Variants in SLC12A7 observed in about 807,000 individuals in gnomAD.
The protein encoded by SLC12A7 is K-Cl cotransporter 4.
In SLC12A7, 100 loss-of-function variants were observed where a neutral mutation model predicts 120.6. The ratio of observed to expected loss-of-function variants is 0.83; its 90% CI spans 0.71 to 0.98. The LOEUF is 0.98. Ranked by LOEUF, SLC12A7 falls within the 50% of genes least tolerant of loss-of-function variation. SLC12A7 has a pLI of 0.00. For synonymous variants in SLC12A7, 760 were observed against 678.0 expected, an observed-to-expected ratio of 1.12 and a Z score of -1.88; for missense variants, 1,373 against 1,548.1, an observed-to-expected ratio of 0.89 and a Z score of 1.90.
At chr5:1,089,205 G>A in intron 3 of SLC12A7, 77 bp from the exon 4 acceptor site, 1 of 1,526,452 alleles carries the variant, frequency 6.6e-7, no homozygotes, top group South Asian at 1.2e-5. Context: ...CTGCACTCAG[G>A]CCCTGGGCAG....
chr5:1,064,856 C>G (rs4975697), intron 18 of SLC12A7, among the ~76,000 whole-genome samples: 1 of 75,196 alleles, frequency 1.3e-5, no homozygotes, highest in Admixed American at 1.4e-4. Context: ...GGCGAGGAGA[C>G]GGCGAGGGGA....
chr5:1,061,520 G>A (rs1248819637), intron 20 of SLC12A7, among the ~76,000 whole-genome samples: 1 of 110,500 alleles, frequency 9.0e-6, no homozygotes, highest in African/African-American at 3.9e-5. Flanking sequence ...CGCACCCGCC[G>A]CACCTGCCGC....
intron 10 of SLC12A7, among the ~76,000 whole-genome samples, chr5:1,079,069 A>G (rs1738695990): frequency 6.6e-6 from 1 of 152,084 alleles, no homozygotes; most frequent in South Asian, 2.1e-4. Flanking sequence ...GCTCGGCTGG[A>G]AAGAGGCAGC....
the SLC12A7 span, among the ~76,000 whole-genome samples, chr5:1,123,891 T>C: frequency 2.6e-5 from 4 of 152,360 alleles, no homozygotes; most frequent in Middle Eastern, 3.4e-3. Context: ...GTTTCTGAGA[T>C]AACTCTCTTG....
At chr5:1,106,186 C>T (rs1160136742) in intron 1 of SLC12A7, among the ~76,000 whole-genome samples, 1 of 152,260 alleles carries the variant, frequency 6.6e-6, no homozygotes, top group African/African-American at 2.4e-5. Context: ...GATATGGTGG[C>T]TCACTCCTGT....
intron 1 of SLC12A7, among the ~76,000 whole-genome samples, chr5:1,101,503 G>A (rs1432897697): frequency 1.3e-5 from 2 of 152,142 alleles, no homozygotes; most frequent in African/African-American, 4.8e-5. Context: ...GACAGCCGCT[G>A]GTGGAGAACC....
chr5:1,074,588 G>A lies in SLC12A7; in HGVS notation c.2051C>T (p.Pro684Leu), dbSNP rs1561057988. 6.2e-7 allele frequency: 1 copy of A among 1,612,606 alleles called. No individual in the cohort carries two copies. The highest frequency in any genetic ancestry group is 2.2e-5 in the East Asian group (1 of 44,874). The change falls in exon 16 of 24, where the codon CCC (proline) becomes CTC (leucine). Residue 684 changes from proline (P) to leucine (L), a missense_variant. By Grantham distance (98) the Pro-to-Leu change is moderately conservative (BLOSUM62 -3). Transcript: ENST00000264930. Reference protein sequence around the residue: ...RYALLRVEHGPPHTKNWRPQV... With the variant: ...RYALLRVEHGLPHTKNWRPQV... ...TCACCTCCAGTTCTTGGTGTGGGGG[G>A]GACCGTGCTCCACGCGCAGCAGGGC...
chr5:1,066,471 T>C (rs1737066545), intron 17 of SLC12A7, among the ~76,000 whole-genome samples: 2 of 152,118 alleles, frequency 1.3e-5, no homozygotes, highest in African/African-American at 4.8e-5. Flanking sequence ...ATACTGTACA[T>C]GTGTGGCAGA....
At chr5:1,118,381 A>AAGAT in the SLC12A7 span, among the ~76,000 whole-genome samples, 1 of 152,252 alleles carries the variant, frequency 6.6e-6, no homozygotes, top group Non-Finnish European at 1.5e-5. Flanking sequence ...GAGAGATAAG[A>AAGAT]AGATCCCACA....
chr5:1,083,962 C>G lies in SLC12A7; in HGVS notation c.918-6G>C. ...GGTTCCCCAGGAGGCAGACCCTGGG[C>G]GGGACAGGGAGGCACGGCACGTGTG... is the stretch of plus-strand genomic sequence containing the variant. On this transcript the variant is annotated splice_region_variant and splice_polypyrimidine_tract_variant and intron_variant, in intron 7 of 23. Coordinates refer to ENST00000264930, the MANE Select transcript of SLC12A7 (RefSeq NM_006598.3). The G allele has an allele frequency of 6.3e-7, 1 of 1,599,154 alleles. No individual in the cohort carries two copies. The highest frequency in any genetic ancestry group is 8.5e-7 in the Non-Finnish European group (1 of 1,179,226).
At chr5:1,073,850 A>G (rs1738007745) in intron 16 of SLC12A7, 49 bp from the exon 17 acceptor site, 3 of 1,344,698 alleles carry the variant, frequency 2.2e-6, no homozygotes, top group Middle Eastern at 3.9e-4. Flanking sequence ...TTACCAGGGC[A>G]CGGCCCATCA....
At chr5:1,087,098 C>A (rs1739948817) in intron 5 of SLC12A7, 65 bp from the exon 6 acceptor site, 2 of 1,526,046 alleles carry the variant, frequency 1.3e-6, no homozygotes, top group African/African-American at 2.8e-5. Flanking sequence ...GAGGTGCGGT[C>A]TGCGCTGCCA....
upstream of SLC12A7, among the ~76,000 whole-genome samples, chr5:1,116,216 C>T (rs1743314368): frequency 6.6e-6 from 1 of 152,212 alleles, no homozygotes; most frequent in East Asian, 1.9e-4. Flanking sequence ...GCAGCCCTGT[C>T]CCAAGGGTTC....
chr5:1,116,341 G>A (rs568025702), upstream of SLC12A7, among the ~76,000 whole-genome samples: 219 of 152,344 alleles, frequency 1.4e-3, 1 homozygote, highest in South Asian at 3.5e-3. Context: ...CTGGCCTGGC[G>A]CTGGGGAGCC....
At chr5:1,142,451 T>C in the SLC12A7 span, among the ~76,000 whole-genome samples, 2 of 26,488 alleles carry the variant, frequency 7.6e-5, no homozygotes, top group Non-Finnish European at 1.3e-4. Context: ...CCCTCCCCTC[T>C]CTGCCCTCCA....
chr5:1,154,377 A>G, the SLC12A7 span, among the ~76,000 whole-genome samples: 1 of 151,868 alleles, frequency 6.6e-6, no homozygotes, highest in Non-Finnish European at 1.5e-5. Flanking sequence ...ACACACACAC[A>G]CACACACACA....
chr5:1,148,201 C>G, the SLC12A7 span, among the ~76,000 whole-genome samples: 10 of 121,202 alleles, frequency 8.3e-5, no homozygotes, highest in South Asian at 2.8e-4. Context: ...TTTTTTCTTT[C>G]TTTCTTTTTT....
chr5:1,074,114 T>C (rs971257868), intron 16 of SLC12A7, among the ~76,000 whole-genome samples: 5 of 151,844 alleles, frequency 3.3e-5, no homozygotes, highest in African/African-American at 1.2e-4. Context: ...ACAGGTGACA[T>C]GCTAGACAGG....
chr5:1,052,120 C>T lies in SLC12A7; in HGVS notation c.*240G>A. ...GTCCAGGTCACTCCGGTAGCAGCGT[C>T]TGCCCTCAGATGCAAGGAAATCGTC... On this transcript the variant is annotated 3_prime_UTR_variant, in exon 24 of 24. Coordinates refer to ENST00000264930, the MANE Select transcript of SLC12A7 (RefSeq NM_006598.3). 1 of 571,332 alleles carries T rather than the reference C, an allele frequency of 1.8e-6. No homozygotes were observed. Among genetic ancestry groups the T allele is most frequent in the Non-Finnish European group, 3.1e-6 (1 of 320,060 alleles). The allele number at this position is 571,332 out of a possible 1,614,324, so 35.4% of individuals were successfully genotyped here.
Sources: allele counts gnomAD v4.1 joint callset (sites outside exome capture counted in the v4.1 genomes callset), GRCh38; gene constraint gnomAD v4.1.1; transcripts MANE v1.5; gene names NCBI Gene and HGNC (gene_info 2026-07-23, HGNC 2026-07-21).